The following SNX29 variants were observed in gnomAD, a reference collection of about 807,000 sequenced individuals.
The protein encoded by SNX29 is sorting nexin 29.
SNX29 carries 78 observed loss-of-function variants against 102.1 expected under a neutral mutation model. That is an observed-to-expected ratio of 0.76 (90% CI 0.64 to 0.92). The LOEUF (loss-of-function observed/expected upper bound fraction) is 0.92, where lower values mean the gene tolerates loss of function less well. Ranked by LOEUF, SNX29 falls within the 40% of genes least tolerant of loss-of-function variation. The pLI is 0.00. For synonymous variants in SNX29, 580 were observed against 414.5 expected (o/e 1.40, Z -4.85); for missense variants, 1,280 against 1,061.7 (o/e 1.21, Z -2.86).
intron 14 of SNX29, among the ~76,000 whole-genome samples, chr16:12,242,352 A>AATAAT (rs1491158829): frequency 2.9e-5 from 4 of 138,004 alleles, no homozygotes; most frequent in African/African-American, 1.1e-4. Context: ...TATATATAAT[A>AATAAT]ATATATATAT....
At position 12,572,794 on chromosome 16, in the gene SNX29, C is replaced by G; in HGVS notation, c.*4165C>G. 3.8e-6 allele frequency: 4 copies of G among 1,063,700 alleles called. No individual in the cohort carries two copies. Among genetic ancestry groups the G allele is most frequent in the African/African-American group, 1.6e-5 (1 of 61,106 alleles). 65.9% of individuals were successfully genotyped at this position (1,063,700 alleles called of 1,614,324 possible). ...AAGACCCCACCTCACTCCTCCTTCC[C>G]CAGTACATCAGACTGGTTAGGAGGC... is the stretch of plus-strand genomic sequence containing the variant. On this transcript the variant is annotated 3_prime_UTR_variant, in exon 21 of 21. Transcript: ENST00000566228.
intron 7 of SNX29, among the ~76,000 whole-genome samples, chr16:12,050,869 G>A (rs896189593): frequency 1.3e-5 from 2 of 151,254 alleles, no homozygotes; most frequent in African/African-American, 2.4e-5. Context: ...CTGCCACCAC[G>A]CCCAACTAAT....
At chr16:12,489,648 G>A (rs1035704268) in intron 19 of SNX29, among the ~76,000 whole-genome samples, 1 of 152,130 alleles carries the variant, frequency 6.6e-6, no homozygotes, top group Non-Finnish European at 1.5e-5. Flanking sequence ...GCCCTCAAAC[G>A]CCAGCATAAA....
intron 14 of SNX29, among the ~76,000 whole-genome samples, chr16:12,258,502 A>T (rs576320487): frequency 1.3e-5 from 2 of 152,246 alleles, no homozygotes; most frequent in East Asian, 3.9e-4. Flanking sequence ...TATGTTTTGC[A>T]TAGAAATTGT....
chr16:12,412,081 A>C (rs1443573726), intron 18 of SNX29, among the ~76,000 whole-genome samples: 2 of 152,156 alleles, frequency 1.3e-5, no homozygotes, highest in East Asian at 3.8e-4. Context: ...ACCTCCATGA[A>C]AGCAACCGAA....
intron 13 of SNX29, among the ~76,000 whole-genome samples, chr16:12,130,273 G>A (rs1267547292): frequency 3.3e-5 from 5 of 150,698 alleles, no homozygotes; most frequent in Non-Finnish European, 5.9e-5. Flanking sequence ...TCAGGAGATC[G>A]AGACCATCCT....
At position 12,544,629 on chromosome 16, in the gene SNX29, T is replaced by G. The variant is rs1484104685; in HGVS notation, c.2318+19788T>G. Among the ~76,000 whole-genome samples the G allele has an allele frequency of 2.0e-5, 3 of 152,208 alleles. No homozygotes were observed. The East Asian group carries it at 5.8e-4, about 29-fold the overall frequency. On this transcript the variant is annotated intron_variant, in intron 20 of 20. Transcript: ENST00000566228. ...CCTGACTCTGCGTCATGCCTTGGGA[T>G]CGGCAGGTTCATGTCAGACTGTTTA...
At chr16:12,027,573 A>G (rs1466788040) in intron 4 of SNX29, 129 bp downstream of exon 4, 34 of 1,096,584 alleles carry the variant, frequency 3.1e-5, no homozygotes, top group Non-Finnish European at 4.1e-5. Context: ...ATGGGCACAG[A>G]AATCCATGTC....
Position 12,221,840 on chromosome 16 carries a change from G to A in SNX29, c.1678+22157G>A, listed in dbSNP as rs548316969. The stretch of plus-strand genomic sequence containing the variant: ...AAAATGCCCCAACTGCCTCTTCCCC[G>A]CATGATCCCGTGCTTCCTTGGGTGC... On this transcript the variant is annotated intron_variant, in intron 14 of 20. Transcript: ENST00000566228. Among the ~76,000 whole-genome samples, 4 of 152,226 alleles carry A rather than the reference G, an allele frequency of 2.6e-5. No homozygotes were observed. The East Asian group carries it at 5.8e-4, about 22-fold the overall frequency.
intron 15 of SNX29, among the ~76,000 whole-genome samples, chr16:12,282,108 A>AAAG (rs1491128957): frequency 5.4e-5 from 8 of 147,014 alleles, no homozygotes; most frequent in Non-Finnish European, 1.0e-4. Flanking sequence ...AAAAAAAAAA[A>AAAG]TGCAGAGCTG....
intron 18 of SNX29, among the ~76,000 whole-genome samples, chr16:12,435,984 C>T (rs914803076): frequency 1.3e-5 from 2 of 152,164 alleles, no homozygotes; most frequent in Non-Finnish European, 2.9e-5. Context: ...AGGGTCTGGG[C>T]CTTGGGGTTG....
intron 12 of SNX29, among the ~76,000 whole-genome samples, chr16:12,128,417 G>T (rs1191828348): frequency 6.6e-6 from 1 of 151,962 alleles, no homozygotes; most frequent in East Asian, 1.9e-4. Context: ...TGAATGATCA[G>T]AGTGTGGTGG....
At chr16:12,293,819 T>C (rs906167386) in intron 15 of SNX29, among the ~76,000 whole-genome samples, 4 of 152,248 alleles carry the variant, frequency 2.6e-5, no homozygotes, top group Admixed American at 2.0e-4. Context: ...TCAATGATTG[T>C]TAAAATCCTT....
At chr16:12,352,787 C>A (rs1226751032) in intron 15 of SNX29, among the ~76,000 whole-genome samples, 2 of 152,184 alleles carry the variant, frequency 1.3e-5, no homozygotes, top group African/African-American at 4.8e-5. Flanking sequence ...CAGCCCTGGT[C>A]TTTGTATCTC....
chr16:12,540,648 A>C (rs2077290845), intron 20 of SNX29, among the ~76,000 whole-genome samples: 1 of 152,208 alleles, frequency 6.6e-6, no homozygotes, highest in African/African-American at 2.4e-5. Context: ...TCCCCATCTC[A>C]AAAGCCTGAA....
At chr16:12,466,523 G>A (rs2087058951) in intron 18 of SNX29, among the ~76,000 whole-genome samples, 1 of 152,350 alleles carries the variant, frequency 6.6e-6, no homozygotes, top group East Asian at 1.9e-4. Context: ...CCTGCCGTCA[G>A]ATGTGGCACC....
chr16:12,328,649 G>A (rs1287993525), intron 15 of SNX29, among the ~76,000 whole-genome samples: 1 of 152,104 alleles, frequency 6.6e-6, no homozygotes, highest in Non-Finnish European at 1.5e-5. Context: ...ACCTTTCTTG[G>A]AAAAGAATCG....
intron 18 of SNX29, among the ~76,000 whole-genome samples, chr16:12,454,621 G>T (rs529890149): frequency 5.7e-4 from 87 of 152,342 alleles, no homozygotes; most frequent in African/African-American, 2.0e-3. Flanking sequence ...AGGAAGAACA[G>T]ATCAGGCAGG....
chr16:12,506,235 A>G (rs573630391), intron 19 of SNX29, among the ~76,000 whole-genome samples: 18 of 152,280 alleles, frequency 1.2e-4, no homozygotes, highest in African/African-American at 4.1e-4. Flanking sequence ...TGCTGGGATT[A>G]CAGGCGTGAG....
Sources: allele counts gnomAD v4.1 joint callset (sites outside exome capture counted in the v4.1 genomes callset), GRCh38; gene constraint gnomAD v4.1.1; transcripts MANE v1.5; gene names NCBI Gene and HGNC (gene_info 2026-07-23, HGNC 2026-07-21).